Variants in NEK1 observed in about 807,000 individuals in gnomAD.
The protein encoded by NEK1 is serine/threonine-protein kinase Nek1.
NEK1 carries 137 observed loss-of-function variants against 182.1 expected under a neutral mutation model. That is an observed-to-expected ratio of 0.75 (90% confidence interval 0.65 to 0.87). The LOEUF is 0.87. NEK1 is among the 40% of genes least tolerant of loss of function. NEK1 has a pLI of 0.00. For synonymous variants in NEK1, 513 were observed against 492.2 expected (o/e 1.04, Z -0.56); for missense variants, 1,391 against 1,494.4 (o/e 0.93, Z 1.14).
In NEK1 at chr4:169,572,263, A is replaced by G. The variant is rs143737368; in HGVS notation, c.1020+4665T>C. 3.1e-3 allele frequency among the ~76,000 whole-genome samples: 465 copies of G among 152,272 alleles called. 1 individual carries two copies. Among genetic ancestry groups the G allele is most frequent in the Non-Finnish European group, 4.8e-3 (328 of 68,026 alleles). On this transcript the variant is annotated intron_variant, in intron 12 of 35. Coordinates refer to ENST00000507142, the MANE Select transcript of NEK1 (RefSeq NM_001199397.3). ...TAATATGGTGGTAAAAATAATGAGA[A>G]GTAGTCAGACCGTGAATATATTTTG...
intron 2 of NEK1, among the ~76,000 whole-genome samples, chr4:169,603,292 C>A (rs1198641121): frequency 6.6e-6 from 1 of 152,050 alleles, no homozygotes; most frequent in Non-Finnish European, 1.5e-5. Flanking sequence ...ATTATTATTT[C>A]TTGTATTTAG....
intron 26 of NEK1, among the ~76,000 whole-genome samples, chr4:169,464,403 G>A (rs1184806811): frequency 6.6e-6 from 1 of 152,170 alleles, no homozygotes; most frequent in South Asian, 2.1e-4. Context: ...AAAGGGATCT[G>A]AAGGGATGAG....
intron 23 of NEK1, among the ~76,000 whole-genome samples, chr4:169,493,196 T>C (rs895983226): frequency 6.6e-6 from 1 of 152,062 alleles, no homozygotes. Context: ...AAAAAACCCA[T>C]ATGGAGCTTT....
intron 23 of NEK1, among the ~76,000 whole-genome samples, chr4:169,482,691 T>C (rs966425325): frequency 6.6e-6 from 1 of 151,894 alleles, no homozygotes; most frequent in South Asian, 2.1e-4. Flanking sequence ...TGGAGTGCAA[T>C]GGGGTGCAAT....
intron 18 of NEK1, chr4:169,554,580 T>C (rs1458889082): frequency 1.3e-5 from 2 of 152,120 alleles, no homozygotes; most frequent in Non-Finnish European, 2.9e-5. Flanking sequence ...CCACATACTA[T>C]ATGATTCCAA....
intron 33 of NEK1, 135 bp downstream of exon 33, chr4:169,401,517 A>C (rs1490684663): frequency 5.4e-6 from 3 of 551,704 alleles, no homozygotes; most frequent in Non-Finnish European, 8.9e-6. Flanking sequence ...GAATGAAAAA[A>C]GGGGAGAGAC....
chr4:169,425,855 G>T (rs1000770096), intron 30 of NEK1, among the ~76,000 whole-genome samples: 13 of 152,118 alleles, frequency 8.5e-5, no homozygotes, highest in Non-Finnish European at 1.6e-4. Flanking sequence ...ATTTTAAAAA[G>T]AAAACAATTT....
At chr4:169,545,657 A>G (rs1472842186) in intron 18 of NEK1, among the ~76,000 whole-genome samples, 1 of 149,446 alleles carries the variant, frequency 6.7e-6, no homozygotes, top group African/African-American at 2.5e-5. Flanking sequence ...ACTAGTTTAC[A>G]GTCCCACCAA....
chr4:169,528,665 A>G (rs1035643954), intron 19 of NEK1, among the ~76,000 whole-genome samples: 3 of 152,224 alleles, frequency 2.0e-5, no homozygotes, highest in Non-Finnish European at 4.4e-5. Context: ...CAGAACTAAA[A>G]GGAGAAACAG....
chr4:169,412,703 T>C (rs999326868), intron 31 of NEK1, among the ~76,000 whole-genome samples: 2 of 152,134 alleles, frequency 1.3e-5, no homozygotes, highest in African/African-American at 4.8e-5. Flanking sequence ...TGATTGAAAA[T>C]AGATCCAGTC....
chr4:169,505,969 CTAT>C (rs1753184287), intron 23 of NEK1, among the ~76,000 whole-genome samples: 1 of 150,662 alleles, frequency 6.6e-6, no homozygotes. Flanking sequence ...ATAAAAGAAA[CTAT>C]GAGTAAATGT....
chr4:169,513,243 G>A (rs1754486306), intron 19 of NEK1, among the ~76,000 whole-genome samples: 1 of 151,968 alleles, frequency 6.6e-6, no homozygotes, highest in African/African-American at 2.4e-5. Context: ...CAAGTATTTA[G>A]GTCTTCTTAG....
intron 26 of NEK1, among the ~76,000 whole-genome samples, chr4:169,475,682 T>A (rs1377224276): frequency 6.6e-6 from 1 of 152,074 alleles, no homozygotes; most frequent in African/African-American, 2.4e-5. Flanking sequence ...GATGTCAGAA[T>A]AAGTAAAGAC....
intron 19 of NEK1, 94 bp downstream of exon 19, chr4:169,537,715 G>C (rs1252792685): frequency 7.6e-6 from 7 of 922,534 alleles, no homozygotes; most frequent in Non-Finnish European, 1.2e-5. Flanking sequence ...TAGATTGTTA[G>C]ACTGTCATTC....
intron 23 of NEK1, 55 bp downstream of exon 23, chr4:169,506,982 A>G: frequency 8.4e-7 from 1 of 1,185,596 alleles, no homozygotes; most frequent in Non-Finnish European, 1.2e-6. Context: ...ACTACCCAGG[A>G]AGAGCTATAA....
chr4:169,534,801 G>A (rs941267364), intron 19 of NEK1, among the ~76,000 whole-genome samples: 1 of 151,978 alleles, frequency 6.6e-6, no homozygotes, highest in Non-Finnish European at 1.5e-5. Context: ...AATACGCAAC[G>A]CTTGGTATCC....
intron 35 of NEK1, among the ~76,000 whole-genome samples, chr4:169,397,825 A>C (rs1167785478): frequency 1.3e-5 from 2 of 152,228 alleles, no homozygotes; most frequent in African/African-American, 2.4e-5. Flanking sequence ...ACAGCTCTCC[A>C]CTTAAGGGGC....
At chr4:169,610,016 C>CTTTT (rs538596187) in intron 2 of NEK1, among the ~76,000 whole-genome samples, 1 of 135,314 alleles carries the variant, frequency 7.4e-6, no homozygotes. Flanking sequence ...CTAAGAATTT[C>CTTTT]TTTTTTTTTT....
chr4:169,519,702 G>C (rs1472881244), intron 19 of NEK1, among the ~76,000 whole-genome samples: 3 of 54,964 alleles, frequency 5.5e-5, no homozygotes, highest in African/African-American at 7.0e-5. Flanking sequence ...GGCAGGCCTG[G>C]TGGTGACAAA....
Sources: gnomAD v4.1 joint callset for allele counts (sites outside exome capture counted in the v4.1 genomes callset) on GRCh38, gnomAD v4.1.1 for gene constraint, MANE v1.5 for transcripts, NCBI Gene and HGNC (gene_info 2026-07-23, HGNC 2026-07-21) for gene names.